Variants in BRWD1 observed in about 807,000 individuals in gnomAD.
The protein encoded by BRWD1 is bromodomain and WD repeat-containing protein 1.
BRWD1 carries 82 observed loss-of-function variants against 251.2 expected under a neutral mutation model. The observed-to-expected ratio is 0.33, with a 90% CI of 0.27 to 0.39. The LOEUF (loss-of-function observed/expected upper bound fraction) is 0.39, where lower values mean the gene tolerates loss of function less well. BRWD1 is among the 10% of genes least tolerant of loss of function. The pLI, the probability that BRWD1 is intolerant of heterozygous loss-of-function variation, is 1.00. For synonymous variants in BRWD1, 918 were observed against 902.8 expected (o/e 1.02, Z -0.30); for missense variants, 2,233 against 2,711.6 (o/e 0.82, Z 3.92).
chr21:39,316,747 T>A (rs1185975880), upstream of BRWD1, among the ~76,000 whole-genome samples: 1 of 152,156 alleles, frequency 6.6e-6, no homozygotes, highest in Admixed American at 6.5e-5. Flanking sequence ...GAGACCAGCC[T>A]GAGTAACATA....
At chr21:39,271,438 C>T (rs1397174518) in intron 13 of BRWD1, among the ~76,000 whole-genome samples, 1 of 151,870 alleles carries the variant, frequency 6.6e-6, no homozygotes, top group Non-Finnish European at 1.5e-5. Flanking sequence ...GCCTGTAATC[C>T]CAGCATTTTG....
chr21:39,255,813 C>T lies in BRWD1; in HGVS notation c.2087G>A (p.Ser696Asn), dbSNP rs2034545353. The change falls in exon 19 of 41, where the codon AGC becomes AAC. Residue 696 changes from serine to asparagine, a missense_variant. Coordinates refer to ENST00000342449, the MANE Select transcript of BRWD1 (RefSeq NM_033656.4). Reference sequence around the variant, plus strand: ...ATTTGGAGGGGACTGAATGTCTAAGCTCAGCCTTCTAAAACCTAGGAAAAT... The same window carrying T: ...ATTTGGAGGGGACTGAATGTCTAAGTTCAGCCTTCTAAAACCTAGGAAAAT... ...ETPRRGFRRL[S>N]LDIQSPPNIG... 3 of 1,613,912 alleles carry T rather than the reference C, an allele frequency of 1.9e-6. No homozygotes were observed. The highest frequency in any genetic ancestry group is 2.2e-5 in the South Asian group (2 of 91,078).
At chr21:39,252,591 C>T (rs574897270) in intron 19 of BRWD1, among the ~76,000 whole-genome samples, 4 of 152,154 alleles carry the variant, frequency 2.6e-5, no homozygotes, top group African/African-American at 9.7e-5. Context: ...TCAATTATCG[C>T]CTTTATAAAA....
intron 10 of BRWD1, 171 bp downstream of exon 10, chr21:39,278,572 G>A (rs2035351630): frequency 1.9e-6 from 1 of 534,880 alleles, no homozygotes; most frequent in Non-Finnish European, 3.3e-6. Context: ...AAGGCAGACT[G>A]GAGGACTGGA....
intron 10 of BRWD1, 43 bp downstream of exon 10, chr21:39,278,700 T>TA (rs1188048091): frequency 3.5e-6 from 5 of 1,442,850 alleles, no homozygotes; most frequent in Non-Finnish European, 3.7e-6. Context: ...TAATAGATGT[T>TA]TAAAAAAAAA....
At chr21:39,318,035 G>A (rs8133927), upstream of BRWD1, among the ~76,000 whole-genome samples, 1 of 151,528 alleles carries the variant, frequency 6.6e-6, no homozygotes, top group Non-Finnish European at 1.5e-5. Context: ...GGGCAACAGA[G>A]CGAGACCCTG....
chr21:39,228,364 T>G, intron 27 of BRWD1, 136 bp downstream of exon 27: 1 of 614,418 alleles, frequency 1.6e-6, no homozygotes, highest in Non-Finnish European at 2.9e-6. Context: ...CAAAATATAT[T>G]TATAGGTCAC....
At chr21:39,234,545 C>T (rs968201608) in intron 23 of BRWD1, among the ~76,000 whole-genome samples, 3 of 152,086 alleles carry the variant, frequency 2.0e-5, no homozygotes, top group African/African-American at 7.2e-5. Context: ...TTACTTAACC[C>T]TTTGTTTAGA....
At position 39,212,646 on chromosome 21, in the gene BRWD1, A is replaced by T; in HGVS notation, c.3900+20T>A. The stretch of plus-strand genomic sequence containing the variant: ...CAAAGAAAAAGAAACTACAAAAGTC[A>T]ACCATGCAGAGTAACTTACTCTCCT... On this transcript the variant is annotated intron_variant, in intron 34 of 40. Coordinates refer to ENST00000342449, the MANE Select transcript of BRWD1 (RefSeq NM_033656.4). The T allele has an allele frequency of 6.5e-7, 1 of 1,526,996 alleles. No homozygotes were observed. Among genetic ancestry groups the T allele is most frequent in the Middle Eastern group, 1.7e-4 (1 of 5,874 alleles). The allele number at this position is 1,526,996 out of a possible 1,614,324, so 94.6% of individuals were successfully genotyped here. A position where few individuals can be genotyped will look rare whatever the true frequency, so the allele number is the denominator to read the frequency against.
chr21:39,290,081 C>T lies in BRWD1; in HGVS notation c.831+3730G>A, dbSNP rs190365618. Among the ~76,000 whole-genome samples, 11 of 151,762 alleles carry T rather than the reference C, an allele frequency of 7.2e-5. No homozygotes were observed. The East Asian group carries it at 1.4e-3, about 19-fold the overall frequency. On this transcript the variant is annotated intron_variant, in intron 8 of 40. Coordinates refer to ENST00000342449, the MANE Select transcript of BRWD1 (RefSeq NM_033656.4). ...CTTCTTATTAGTCCTCTAATTTTTC[C>T]CTAGGGCTGCAATGATTACTCATTG...
intron 10 of BRWD1, among the ~76,000 whole-genome samples, chr21:39,277,658 G>A (rs1223860248): frequency 6.6e-6 from 1 of 152,028 alleles, no homozygotes; most frequent in Non-Finnish European, 1.5e-5. Context: ...CTACCTCCCA[G>A]GTTCAAGTAA....
chr21:39,219,958 G>A (rs944170592), intron 29 of BRWD1, among the ~76,000 whole-genome samples: 1 of 152,194 alleles, frequency 6.6e-6, no homozygotes, highest in Non-Finnish European at 1.5e-5. Context: ...GTAATTCAGA[G>A]TTATGCTTTC....
At chr21:39,300,165 C>T (rs532890088) in intron 4 of BRWD1, among the ~76,000 whole-genome samples, 11 of 152,222 alleles carry the variant, frequency 7.2e-5, no homozygotes, top group African/African-American at 2.6e-4. Flanking sequence ...AGTGAGTCTG[C>T]ACACCTACCA....
Position 39,248,641 on chromosome 21 carries a change from C to CAAAAAAAAAAAAA in BRWD1, c.2350-822_2350-810dup, listed in dbSNP as rs375430016. Among the ~76,000 whole-genome samples the CAAAAAAAAAAAAA allele has an allele frequency of 1.6e-4, 13 of 83,300 alleles. No homozygotes were observed. In the East Asian group the frequency reaches 3.2e-3, roughly 21 times the overall value. The allele number at this position is 83,300 out of a possible 152,430, so 54.6% of individuals were successfully genotyped here. ...TGGGCAAGAGTGAGACCCTATCTCC[C>CAAAAAAAAAAAAA]AAAAAAAAAAAAAAAAAAAAAAAAA... On this transcript the variant is annotated intron_variant, in intron 20 of 40. Coordinates refer to ENST00000342449, the MANE Select transcript of BRWD1 (RefSeq NM_033656.4).
At chr21:39,245,190 G>A (rs2034141644) in intron 21 of BRWD1, among the ~76,000 whole-genome samples, 1 of 151,862 alleles carries the variant, frequency 6.6e-6, no homozygotes, top group Non-Finnish European at 1.5e-5. Context: ...GCTACAGTGA[G>A]CCATGACTGC....
Position 39,197,418 on chromosome 21 carries a change from A to C in BRWD1, c.5654-3T>G, listed in dbSNP as rs750973476. On this transcript the variant is annotated splice_region_variant and splice_polypyrimidine_tract_variant and intron_variant, in intron 40 of 40. Transcript: ENST00000342449. ...TCCATTGTCTTGTGATGCAGAATCT[A>C]AAAGTTAAAGAGCAGATTTCTATTA... 6.4e-7 allele frequency: 1 copy of C among 1,551,726 alleles called. No individual in the cohort carries two copies. The highest frequency in any genetic ancestry group is 8.7e-7 in the Non-Finnish European group (1 of 1,151,262).
In BRWD1 at chr21:39,191,896, A is replaced by G. The variant is rs2031572928; in HGVS notation, c.*4363T>C. On this transcript the variant is annotated 3_prime_UTR_variant, in exon 41 of 41. Transcript: ENST00000342449. ...TAACTAAAATATGACCAGAAAGTAT[A>G]CCATAGCATTGATAATTAAATTCAA... 1.0e-6 allele frequency: 1 copy of G among 983,016 alleles called. No homozygotes were observed. Among genetic ancestry groups the G allele is most frequent in the African/African-American group, 1.7e-5 (1 of 57,160 alleles). 60.9% of individuals were successfully genotyped at this position (983,016 alleles called of 1,614,324 possible).
chr21:39,240,869 T>C (rs2033964582), intron 21 of BRWD1, among the ~76,000 whole-genome samples: 1 of 151,984 alleles, frequency 6.6e-6, no homozygotes, highest in African/African-American at 2.4e-5. Flanking sequence ...AAACTCTACA[T>C]ACTAGGGTTT....
upstream of BRWD1, chr21:39,313,780 G>T (rs2036615539): frequency 2.6e-6 from 1 of 385,534 alleles, no homozygotes; most frequent in Non-Finnish European, 4.7e-6. Flanking sequence ...TCTGCCTCCG[G>T]GGACTCGATG....
Sources: gnomAD v4.1 joint callset for allele counts (sites outside exome capture counted in the v4.1 genomes callset) on GRCh38, gnomAD v4.1.1 for gene constraint, MANE v1.5 for transcripts, NCBI Gene and HGNC (gene_info 2026-07-23, HGNC 2026-07-21) for gene names.